The following KCNC2 variants were observed in gnomAD, a reference collection of about 807,000 sequenced individuals.
KCNC2 encodes the protein potassium voltage-gated channel subfamily C member 2, also known as voltage-gated potassium channel KCNC2.
Under a neutral mutation model 44.5 loss-of-function variants are expected in KCNC2, and 21 were observed. The observed-to-expected ratio is 0.47, with a 90% confidence interval of 0.33 to 0.68. KCNC2 has a LOEUF of 0.68. Ranked by LOEUF, KCNC2 falls within the 30% of genes least tolerant of loss-of-function variation. The pLI, the probability that KCNC2 is intolerant of heterozygous loss-of-function variation, is 0.01. For synonymous variants in KCNC2, 391 were observed against 339.1 expected, an observed-to-expected ratio of 1.15 and a Z score of -1.68; for missense variants, 589 against 826.2, an observed-to-expected ratio of 0.71 and a Z score of 3.52.
chr12:75,193,773 C>T (rs2030518464), intron 2 of KCNC2, among the ~76,000 whole-genome samples: 1 of 152,136 alleles, frequency 6.6e-6, no homozygotes, highest in African/African-American at 2.4e-5. Flanking sequence ...TATCCACCCA[C>T]CCTGAAGGGA....
chr12:75,170,585 A>G (rs1241479070), intron 2 of KCNC2, among the ~76,000 whole-genome samples: 3 of 151,834 alleles, frequency 2.0e-5, no homozygotes, highest in Non-Finnish European at 4.4e-5. Flanking sequence ...ATTACAGTCC[A>G]TATGTTAGTT....
At chr12:75,090,418 C>A (rs1885376699) in intron 2 of KCNC2, among the ~76,000 whole-genome samples, 2 of 151,460 alleles carry the variant, frequency 1.3e-5, no homozygotes, top group Non-Finnish European at 3.0e-5. Flanking sequence ...TTATTGACTT[C>A]TTTTTCTCAC....
chr12:75,154,225 T>C lies in KCNC2; in HGVS notation c.687+53072A>G, dbSNP rs370504358. Among the ~76,000 whole-genome samples the C allele has an allele frequency of 2.0e-5, 3 of 152,040 alleles. No individual in the cohort carries two copies. The South Asian group carries it at 6.2e-4, about 31-fold the overall frequency. The stretch of plus-strand genomic sequence containing the variant: ...GGTCCCTCCTGTCTCTGATATTTAT[T>C]TATTTAGCAAAGCATGCAACTATCA... On this transcript the variant is annotated intron_variant, in intron 2 of 4. Coordinates refer to ENST00000549446, the MANE Select transcript of KCNC2 (RefSeq NM_139137.4).
At chr12:75,164,372 C>T (rs1220053091) in intron 2 of KCNC2, among the ~76,000 whole-genome samples, 1 of 151,710 alleles carries the variant, frequency 6.6e-6, no homozygotes, top group African/African-American at 2.4e-5. Context: ...GTTTCATTAT[C>T]ATGTGAATAT....
At chr12:75,174,827 T>C (rs1432666644) in intron 2 of KCNC2, among the ~76,000 whole-genome samples, 2 of 151,964 alleles carry the variant, frequency 1.3e-5, no homozygotes, top group Non-Finnish European at 2.9e-5. Context: ...ACATGTTCTA[T>C]TGAATTAACC....
At chr12:75,089,007 T>A (rs1885257725) in intron 2 of KCNC2, among the ~76,000 whole-genome samples, 1 of 151,854 alleles carries the variant, frequency 6.6e-6, no homozygotes, top group African/African-American at 2.4e-5. Context: ...AAAATGCATA[T>A]CAGGTTTAAA....
intron 2 of KCNC2, among the ~76,000 whole-genome samples, chr12:75,064,930 C>A (rs1013546924): frequency 7.9e-5 from 12 of 151,964 alleles, no homozygotes; most frequent in Non-Finnish European, 2.9e-5. Flanking sequence ...TGTACATATA[C>A]ATTCTACTAC....
chr12:75,170,183 C>A (rs1891721056), intron 2 of KCNC2, among the ~76,000 whole-genome samples: 1 of 151,598 alleles, frequency 6.6e-6, no homozygotes, highest in Admixed American at 6.6e-5. Flanking sequence ...AAATAATTAG[C>A]ACTTTATGAT....
intron 2 of KCNC2, among the ~76,000 whole-genome samples, chr12:75,194,056 C>A (rs1008393170): frequency 1.3e-5 from 2 of 151,878 alleles, no homozygotes; most frequent in Non-Finnish European, 2.9e-5. Flanking sequence ...AAAGAGTAAC[C>A]AGAAAATAAG....
chr12:75,079,655 C>A (rs1435816465), intron 2 of KCNC2, among the ~76,000 whole-genome samples: 1 of 152,000 alleles, frequency 6.6e-6, no homozygotes, highest in Non-Finnish European at 1.5e-5. Flanking sequence ...GGCCAGAATT[C>A]TAAGGTAAAA....
chr12:75,094,008 C>T (rs1318225434), intron 2 of KCNC2, among the ~76,000 whole-genome samples: 1 of 151,630 alleles, frequency 6.6e-6, no homozygotes, highest in Non-Finnish European at 1.5e-5. Context: ...TTACTAATCC[C>T]TTTTCTTTTT....
At chr12:75,077,397 G>C (rs1252935388) in intron 2 of KCNC2, among the ~76,000 whole-genome samples, 1 of 152,032 alleles carries the variant, frequency 6.6e-6, no homozygotes, top group Non-Finnish European at 1.5e-5. Context: ...TCCACACATG[G>C]TCATTTCAGT....
rs567017766 is a variant in KCNC2, at chr12:75,123,022, C to T, written c.688-71705G>A. 7.9e-5 allele frequency among the ~76,000 whole-genome samples: 12 copies of T among 151,684 alleles called. No individual in the cohort carries two copies. The South Asian group carries it at 8.4e-4, about 11-fold the overall frequency. On this transcript the variant is annotated intron_variant, in intron 2 of 4. Coordinates refer to ENST00000549446, the MANE Select transcript of KCNC2 (RefSeq NM_139137.4). Reference sequence around the variant, plus strand: ...TGTATCTAACCAGATCAAATAATTACGCTAAATTAAATATATTCCTTTAAA... The same window carrying T: ...TGTATCTAACCAGATCAAATAATTATGCTAAATTAAATATATTCCTTTAAA...
At chr12:75,057,217 AG>A (rs1309346407) in intron 2 of KCNC2, among the ~76,000 whole-genome samples, 1 of 152,156 alleles carries the variant, frequency 6.6e-6, no homozygotes, top group East Asian at 1.9e-4. Flanking sequence ...TCTTTTTTAC[AG>A]CACCATAAAC....
chr12:75,161,814 C>G (rs1891143618), intron 2 of KCNC2, among the ~76,000 whole-genome samples: 1 of 151,566 alleles, frequency 6.6e-6, no homozygotes. Context: ...TTCTCCTATC[C>G]ATGAAGAATT....
intron 2 of KCNC2, among the ~76,000 whole-genome samples, chr12:75,110,310 C>A (rs948945426): frequency 2.6e-5 from 4 of 152,080 alleles, no homozygotes; most frequent in Admixed American, 6.6e-5. Context: ...AAGTAGGTAA[C>A]TTTTGAAATA....
Position 75,050,568 on chromosome 12 carries a change from G to A in KCNC2, c.1437C>T (p.Tyr479=). 6.2e-7 allele frequency: 1 copy of A among 1,613,582 alleles called. No homozygotes were observed. The highest frequency in any genetic ancestry group is 1.1e-5 in the South Asian group (1 of 91,072). Residue 479 remains tyrosine, a synonymous_variant, in exon 3 of 5, where the codon TAC becomes TAT. Coordinates refer to ENST00000549446, the MANE Select transcript of KCNC2 (RefSeq NM_139137.4). ...VPVIVNNFGM[Y]YSLAMAKQKL... ...TCTGCTTTGCCATTGCCAAGGAGTA[G>A]TACATTCCAAAATTATTGACAATGA...
chr12:75,177,298 G>T (rs920975939), intron 2 of KCNC2, among the ~76,000 whole-genome samples: 2 of 151,730 alleles, frequency 1.3e-5, no homozygotes, highest in Non-Finnish European at 2.9e-5. Flanking sequence ...ACAAACACAG[G>T]GTTCAGGAAA....
In KCNC2 at chr12:75,158,843, T is replaced by C. The variant is rs543934404; in HGVS notation, c.687+48454A>G. On this transcript the variant is annotated intron_variant, in intron 2 of 4. Transcript: ENST00000549446. ...TAGTCCCTTGAGACTTTGAATATAATCAAGTTATAGAGTCAATACTGAACA... is the reference window on the plus strand; with the variant it reads ...TAGTCCCTTGAGACTTTGAATATAACCAAGTTATAGAGTCAATACTGAACA... Among the ~76,000 whole-genome samples the C allele has an allele frequency of 2.6e-5, 4 of 152,024 alleles. No individual in the cohort carries two copies. In the South Asian group the frequency reaches 8.3e-4, roughly 32 times the overall value.
Sources: gnomAD v4.1 joint callset for allele counts (sites outside exome capture counted in the v4.1 genomes callset) on GRCh38, gnomAD v4.1.1 for gene constraint, MANE v1.5 for transcripts, NCBI Gene and HGNC (gene_info 2026-07-23, HGNC 2026-07-21) for gene names.